Variants in CLSTN2 observed in about 807,000 individuals in gnomAD.
CLSTN2 encodes calsyntenin-2.
In CLSTN2, 48 loss-of-function variants were observed where a neutral mutation model predicts 101.2. That is an observed-to-expected ratio of 0.47 (90% CI 0.38 to 0.60). The LOEUF is 0.60. Ranked by LOEUF, CLSTN2 falls within the 20% of genes least tolerant of loss-of-function variation. The probability of loss-of-function intolerance (pLI) is 0.00; values close to 1 mark genes in which losing one functional copy is unlikely to be tolerated. For missense variants in CLSTN2, 1,160 were observed against 1,238.2 expected, an observed-to-expected ratio of 0.94 and a Z score of 0.95; for synonymous variants, 481 against 463.6, an observed-to-expected ratio of 1.04 and a Z score of -0.48.
rs552985125 is a variant in CLSTN2 at position 140,107,298 on chromosome 3, C to T, written c.110-68653C>T. ...ACCCACTTATCAGATTCCTCTCCAC[C>T]TTTTCTCCTAATATGAAAGGGCATC... On this transcript the variant is annotated intron_variant, in intron 1 of 16. Transcript: ENST00000458420. Among the ~76,000 whole-genome samples, 4 of 152,266 alleles carry T rather than the reference C, an allele frequency of 2.6e-5. No individual in the cohort carries two copies. The East Asian group carries it at 7.7e-4, about 29-fold the overall frequency.
intron 2 of CLSTN2, among the ~76,000 whole-genome samples, chr3:140,338,693 T>C (rs1454999780): frequency 6.6e-6 from 1 of 152,192 alleles, no homozygotes; most frequent in East Asian, 1.9e-4. Flanking sequence ...CTTTACTGCA[T>C]GGGCCTGGTC....
chr3:140,406,965 C>T (rs1409637086), intron 4 of CLSTN2, among the ~76,000 whole-genome samples: 1 of 152,332 alleles, frequency 6.6e-6, no homozygotes, highest in East Asian at 1.9e-4. Flanking sequence ...ATTTCCCTGG[C>T]TGTCTCATTA....
At chr3:140,151,459 T>C (rs1485670711) in intron 1 of CLSTN2, among the ~76,000 whole-genome samples, 1 of 151,718 alleles carries the variant, frequency 6.6e-6, no homozygotes, top group African/African-American at 2.4e-5. Flanking sequence ...CAAGCAGAGA[T>C]TGCAAAATGA....
chr3:140,365,539 C>T (rs903610139), intron 2 of CLSTN2, among the ~76,000 whole-genome samples: 3 of 152,154 alleles, frequency 2.0e-5, no homozygotes, highest in African/African-American at 7.2e-5. Context: ...GGTTTCCTCC[C>T]ATGTCCTTCC....
intron 8 of CLSTN2, among the ~76,000 whole-genome samples, chr3:140,531,766 C>T (rs1379244155): frequency 6.6e-6 from 1 of 152,140 alleles, no homozygotes; most frequent in Non-Finnish European, 1.5e-5. Context: ...AATTGTGACT[C>T]TCTTCTAGCC....
intron 1 of CLSTN2, among the ~76,000 whole-genome samples, chr3:139,938,939 C>CT (rs562016438): frequency 1.5e-4 from 22 of 148,998 alleles, no homozygotes; most frequent in Admixed American, 2.7e-4. Context: ...CCCTACCTTT[C>CT]TTTTTTTTTT....
intron 1 of CLSTN2, among the ~76,000 whole-genome samples, chr3:140,082,437 C>A (rs576939889): frequency 6.6e-6 from 1 of 152,154 alleles, no homozygotes; most frequent in Non-Finnish European, 1.5e-5. Context: ...GACAGGCCAA[C>A]AAGGTTGGCA....
intron 8 of CLSTN2, among the ~76,000 whole-genome samples, chr3:140,481,542 A>G (rs1167637278): frequency 6.6e-6 from 1 of 152,176 alleles, no homozygotes; most frequent in Non-Finnish European, 1.5e-5. Flanking sequence ...CTTGGGCAGT[A>G]TGGCCATTTT....
At chr3:140,543,657 G>A (rs184605828) in intron 9 of CLSTN2, among the ~76,000 whole-genome samples, 1 of 152,180 alleles carries the variant, frequency 6.6e-6, no homozygotes, top group African/African-American at 2.4e-5. Flanking sequence ...CAGGGCCTTG[G>A]TCATCACCAG....
At chr3:139,941,166 C>T (rs962805829) in intron 1 of CLSTN2, among the ~76,000 whole-genome samples, 1 of 151,906 alleles carries the variant, frequency 6.6e-6, no homozygotes, top group African/African-American at 2.4e-5. Context: ...CTAATTGGAC[C>T]CTGTGGAAAT....
chr3:140,488,033 T>C (rs544970904), intron 8 of CLSTN2, among the ~76,000 whole-genome samples: 3 of 152,300 alleles, frequency 2.0e-5, no homozygotes, highest in Non-Finnish European at 4.4e-5. Flanking sequence ...AGAGCAAAGA[T>C]GCACATTCGG....
At chr3:140,166,659 T>G (rs1002225819) in intron 1 of CLSTN2, among the ~76,000 whole-genome samples, 2 of 152,158 alleles carry the variant, frequency 1.3e-5, no homozygotes, top group Non-Finnish European at 2.9e-5. Flanking sequence ...TCCTGAGGAA[T>G]GCATCTGTGC....
intron 2 of CLSTN2, 56 bp from the exon 3 acceptor site, chr3:140,403,573 G>T: frequency 2.1e-6 from 3 of 1,430,622 alleles, no homozygotes; most frequent in East Asian, 2.3e-5. Context: ...TGGAAGCACT[G>T]TCTTCAGTCT....
At chr3:140,179,640 A>AC (rs1206718265) in intron 2 of CLSTN2, among the ~76,000 whole-genome samples, 2 of 149,072 alleles carry the variant, frequency 1.3e-5, no homozygotes, top group East Asian at 1.9e-4. Flanking sequence ...AAAAAAAAAA[A>AC]AAAAAAAAAA....
intron 1 of CLSTN2, among the ~76,000 whole-genome samples, chr3:140,067,076 G>C (rs2008312391): frequency 6.6e-6 from 1 of 152,152 alleles, no homozygotes; most frequent in Non-Finnish European, 1.5e-5. Flanking sequence ...GTGACATGGG[G>C]TAACAAGGAA....
intron 4 of CLSTN2, among the ~76,000 whole-genome samples, chr3:140,406,688 G>A (rs1326558660): frequency 1.3e-5 from 2 of 152,154 alleles, no homozygotes; most frequent in African/African-American, 2.4e-5. Flanking sequence ...TCTCCTCTGG[G>A]TTTCTTTTTC....
At position 140,198,885 on chromosome 3, in the gene CLSTN2, A is replaced by T. The variant is rs1238832811; in HGVS notation, c.232+22812A>T. ...TCCCAGGAGGTTAACGTAGGTATGG[A>T]TGAAATTATATCCCACTTTGAATGA... On this transcript the variant is annotated intron_variant, in intron 2 of 16. Coordinates refer to ENST00000458420, the MANE Select transcript of CLSTN2 (RefSeq NM_022131.3). Among the ~76,000 whole-genome samples the T allele has an allele frequency of 3.3e-5, 5 of 152,198 alleles. No homozygotes were observed. The South Asian group carries it at 6.2e-4, about 19-fold the overall frequency.
intron 1 of CLSTN2, among the ~76,000 whole-genome samples, chr3:140,049,133 C>T (rs993575764): frequency 6.6e-6 from 1 of 152,172 alleles, no homozygotes; most frequent in Non-Finnish European, 1.5e-5. Flanking sequence ...AAGGCACAGA[C>T]GGCATCTCCA....
rs202176636 is a variant in CLSTN2, at chr3:140,427,221, ATATGTGTG to A, written c.787+5951_787+5958del. On this transcript the variant is annotated intron_variant, in intron 5 of 16. Coordinates refer to ENST00000458420, the MANE Select transcript of CLSTN2 (RefSeq NM_022131.3). Reference sequence around the variant, plus strand: ...TATATATATGTGTATATATATATATATATGTGTGTATATATATATATATACATATATAT... The same window carrying A: ...TATATATATGTGTATATATATATATATATATATATATATATACATATATAT... Among the ~76,000 whole-genome samples the A allele has an allele frequency of 7.5e-3, 756 of 100,998 alleles. 13 individuals are homozygous for A. Among genetic ancestry groups the A allele is most frequent in the African/African-American group, 0.01 (164 of 16,014 alleles). 66.3% of individuals were successfully genotyped at this position (100,998 alleles called of 152,430 possible).
Sources: allele counts gnomAD v4.1 joint callset (sites outside exome capture counted in the v4.1 genomes callset), GRCh38; gene constraint gnomAD v4.1.1; transcripts MANE v1.5; gene names NCBI Gene and HGNC (gene_info 2026-07-23, HGNC 2026-07-21).